FGF12: variants seen among roughly 807,000 people sequenced by gnomAD.
FGF12 encodes the protein fibroblast growth factor 12, also known as fibroblast growth factor 12B.
FGF12 carries 14 observed loss-of-function variants against 23.6 expected under a neutral mutation model. The ratio of observed to expected loss-of-function variants is 0.59; its 90% confidence interval spans 0.39 to 0.93. The LOEUF (loss-of-function observed/expected upper bound fraction) is 0.93. Among genes scored for constraint, FGF12 ranks in the 40% least tolerant of loss-of-function variants. The pLI is 0.00. For missense variants in FGF12, 175 were observed against 217.8 expected, an observed-to-expected ratio of 0.80 and a Z score of 1.24; for synonymous variants, 62 against 77.3, an observed-to-expected ratio of 0.80 and a Z score of 1.04.
chr3:192,529,359 C>T (rs1725031487), intron 2 of FGF12, among the ~76,000 whole-genome samples: 2 of 152,202 alleles, frequency 1.3e-5, no homozygotes, highest in South Asian at 2.1e-4. Context: ...TCATCTCCAT[C>T]TGAGACCACC....
intron 2 of FGF12, among the ~76,000 whole-genome samples, chr3:192,400,989 G>A (rs116822305): frequency 0.012 from 1,770 of 152,210 alleles, 34 homozygotes; most frequent in African/African-American, 0.041. Context: ...TGAGTACCCC[G>A]AAGAGCTTTG....
chr3:192,211,169 G>A (rs1274360367), intron 4 of FGF12, among the ~76,000 whole-genome samples: 1 of 152,170 alleles, frequency 6.6e-6, no homozygotes, highest in East Asian at 1.9e-4. Context: ...TGGACAAGGT[G>A]AGAAATGGTC....
Position 192,289,994 on chromosome 3 carries a change from T to C in FGF12, c.228+45367A>G, listed in dbSNP as rs368218652. On this transcript the variant is annotated intron_variant, in intron 4 of 5. Transcript: ENST00000445105. ...AAGAGATCAAGTGACATTTGCAAGATGATTGCTTTGCATGGGAGCTTGGAG... is the reference window on the plus strand; with the variant it reads ...AAGAGATCAAGTGACATTTGCAAGACGATTGCTTTGCATGGGAGCTTGGAG... Among the ~76,000 whole-genome samples the C allele has an allele frequency of 3.3e-5, 5 of 152,268 alleles. No individual in the cohort carries two copies. In the East Asian group the frequency reaches 9.7e-4, roughly 29 times the overall value.
chr3:192,478,857 T>A lies in FGF12; in HGVS notation c.14-118319A>T, dbSNP rs149567276. 1.1e-3 allele frequency among the ~76,000 whole-genome samples: 162 copies of A among 152,340 alleles called. 1 individual carries two copies. Among genetic ancestry groups the A allele is most frequent in the African/African-American group, 3.7e-3 (154 of 41,578 alleles). On this transcript the variant is annotated intron_variant, in intron 2 of 5. Coordinates refer to ENST00000445105, the MANE Select transcript of FGF12 (RefSeq NM_004113.6). ...ACAGTTTCTCATATTCCAGTAAGCA[T>A]GAAACATACTGTTGGTGTTGTCCTG...
intron 2 of FGF12, among the ~76,000 whole-genome samples, chr3:192,389,995 T>G (rs1321622845): frequency 6.6e-6 from 1 of 152,236 alleles, no homozygotes; most frequent in Non-Finnish European, 1.5e-5. Context: ...GTAGGCTGAC[T>G]CATAGTCGCT....
intron 2 of FGF12, among the ~76,000 whole-genome samples, chr3:192,660,247 A>T (rs1716602445): frequency 6.6e-6 from 1 of 151,422 alleles, no homozygotes; most frequent in African/African-American, 2.4e-5. Flanking sequence ...ATTCTCAGCA[A>T]ACTATCGCAA....
chr3:192,444,927 A>G (rs1015517603), intron 2 of FGF12, among the ~76,000 whole-genome samples: 3 of 152,224 alleles, frequency 2.0e-5, no homozygotes, highest in Non-Finnish European at 4.4e-5. Flanking sequence ...GAAGGACAAC[A>G]GTAGCTTCGC....
chr3:192,211,395 G>A (rs1717919444), intron 4 of FGF12, among the ~76,000 whole-genome samples: 1 of 152,048 alleles, frequency 6.6e-6, no homozygotes, highest in Admixed American at 6.5e-5. Flanking sequence ...ATCAATGGCG[G>A]TTTAGTGTGT....
At chr3:192,417,826 G>A (rs949752261) in intron 2 of FGF12, among the ~76,000 whole-genome samples, 37 of 152,060 alleles carry the variant, frequency 2.4e-4, no homozygotes, top group African/African-American at 8.7e-4. Flanking sequence ...GAAAGGTTAT[G>A]CCCTAAGTGA....
chr3:192,290,949 C>T (rs1009920392), intron 4 of FGF12, among the ~76,000 whole-genome samples: 4 of 152,022 alleles, frequency 2.6e-5, no homozygotes, highest in Non-Finnish European at 4.4e-5. Flanking sequence ...ACACATACAT[C>T]GAAAAACATC....
chr3:192,694,042 A>G (rs2108723468), intron 2 of FGF12, among the ~76,000 whole-genome samples: 1 of 152,306 alleles, frequency 6.6e-6, no homozygotes, highest in East Asian at 1.9e-4. Flanking sequence ...TAAGGAACTC[A>G]CAACTCAATA....
At chr3:192,385,910 C>T (rs1215382516) in intron 2 of FGF12, among the ~76,000 whole-genome samples, 3 of 152,150 alleles carry the variant, frequency 2.0e-5, no homozygotes, top group East Asian at 1.9e-4. Flanking sequence ...CCACCACAGA[C>T]GTGGACATGC....
At chr3:192,287,654 G>A (rs571325598) in intron 4 of FGF12, among the ~76,000 whole-genome samples, 2 of 151,956 alleles carry the variant, frequency 1.3e-5, no homozygotes, top group Non-Finnish European at 2.9e-5. Flanking sequence ...CAGTGACTCT[G>A]AGAATGTAAA....
intron 2 of FGF12, among the ~76,000 whole-genome samples, chr3:192,631,030 C>T (rs1469536100): frequency 4.6e-5 from 7 of 152,120 alleles, no homozygotes; most frequent in Admixed American, 2.0e-4. Context: ...AAACTGTCTC[C>T]GGTTCCATAT....
At chr3:192,276,917 A>C (rs1360887756) in intron 4 of FGF12, among the ~76,000 whole-genome samples, 1 of 152,098 alleles carries the variant, frequency 6.6e-6, no homozygotes, top group East Asian at 1.9e-4. Flanking sequence ...GAGTTTCCCT[A>C]CTCAGTCTAT....
chr3:192,474,998 G>C (rs1272787878), intron 2 of FGF12, among the ~76,000 whole-genome samples: 1 of 151,980 alleles, frequency 6.6e-6, no homozygotes, highest in Non-Finnish European at 1.5e-5. Flanking sequence ...CCTAGTTCTT[G>C]AAATCCCATA....
chr3:192,642,619 CA>C (rs1715848559), intron 2 of FGF12, among the ~76,000 whole-genome samples: 1 of 152,164 alleles, frequency 6.6e-6, no homozygotes, highest in Admixed American at 6.5e-5. Flanking sequence ...ATAAGGTTTT[CA>C]AAAGTTGCCA....
intron 2 of FGF12, among the ~76,000 whole-genome samples, chr3:192,433,239 G>A (rs1721919544): frequency 6.6e-6 from 1 of 152,142 alleles, no homozygotes; most frequent in Middle Eastern, 3.2e-3. Context: ...AAAGATATTT[G>A]GGAGTAATCT....
In FGF12 at chr3:192,420,375, A is replaced by G. The variant is rs138075701; in HGVS notation, c.14-59837T>C. ...AATTCCACTAAAAGTAATCACAGAG[A>G]AATCTGGAGACTCAATGATGTAGTT... On this transcript the variant is annotated intron_variant, in intron 2 of 5. Transcript: ENST00000445105. Among the ~76,000 whole-genome samples, 6 of 152,280 alleles carry G rather than the reference A, an allele frequency of 3.9e-5. No individual in the cohort carries two copies. In the East Asian group the frequency reaches 1.2e-3, roughly 29 times the overall value.
Sources: allele counts gnomAD v4.1 joint callset (sites outside exome capture counted in the v4.1 genomes callset), GRCh38; gene constraint gnomAD v4.1.1; transcripts MANE v1.5; gene names NCBI Gene and HGNC (gene_info 2026-07-23, HGNC 2026-07-21).